The following PTPN20 variants were observed in gnomAD, a reference collection of about 807,000 sequenced individuals.
PTPN20 encodes tyrosine-protein phosphatase non-receptor type 20.
Under a neutral mutation model 35.0 loss-of-function variants are expected in PTPN20, and 9 were observed. The observed-to-expected ratio is 0.26, with a 90% confidence interval of 0.15 to 0.45. The LOEUF (loss-of-function observed/expected upper bound fraction) is 0.45, where lower values mean the gene tolerates loss of function less well. PTPN20 is among the 20% of genes least tolerant of loss of function. The pLI is 1.00. For synonymous variants in PTPN20, 32 were observed against 100.2 expected (o/e 0.32, Z 4.06); for missense variants, 111 against 312.5 (o/e 0.36, Z 4.86).
At chr10:47,003,385 A>G (rs1555186655), downstream of PTPN20, among the ~76,000 whole-genome samples, 1 of 152,136 alleles carries the variant, frequency 6.6e-6, no homozygotes, top group African/African-American at 2.4e-5. Flanking sequence ...GTAAGATTAC[A>G]AAAGTGGAAT....
chr10:46,947,033 A>G (rs1380599662), intron 5 of PTPN20, among the ~76,000 whole-genome samples: 147 of 148,710 alleles, frequency 9.9e-4, no homozygotes, highest in Non-Finnish European at 2.5e-4. Context: ...GTAAAATAAT[A>G]ACATTTTTGG....
chr10:46,992,253 A>G (rs552160711), intron 9 of PTPN20, among the ~76,000 whole-genome samples: 2 of 151,626 alleles, frequency 1.3e-5, no homozygotes, highest in South Asian at 4.2e-4. Context: ...CTCCTGAGTA[A>G]CTGGGACTAC....
chr10:46,936,079 T>G (rs1342229719), intron 2 of PTPN20, among the ~76,000 whole-genome samples: 1 of 152,246 alleles, frequency 6.6e-6, no homozygotes, highest in Non-Finnish European at 1.5e-5. Flanking sequence ...TTTCATATGC[T>G]TCTTGGCTAT....
chr10:46,977,222 C>G (rs2053999688), intron 7 of PTPN20, among the ~76,000 whole-genome samples: 3 of 152,300 alleles, frequency 2.0e-5, no homozygotes, highest in Admixed American at 2.0e-4. Flanking sequence ...GCACTCAAGA[C>G]TACAATGTCA....
chr10:46,938,424 C>T lies in PTPN20; in HGVS notation c.35-2199C>T, dbSNP rs1236995451. ...TATCTCTTCTGTGCACTATCCTCAA[C>T]GCCCCCTGTATTACAGGGTCTCCTC... is the stretch of plus-strand genomic sequence containing the variant. On this transcript the variant is annotated intron_variant, in intron 2 of 10. Transcript: ENST00000374339. 2.7e-4 allele frequency among the ~76,000 whole-genome samples: 11 copies of T among 40,824 alleles called. No homozygotes were observed. The East Asian group carries it at 4.4e-3, about 16-fold the overall frequency. The allele number at this position is 40,824 out of a possible 152,430, so 26.8% of individuals were successfully genotyped here.
intron 5 of PTPN20, among the ~76,000 whole-genome samples, chr10:46,953,333 T>TC (rs2134900481): frequency 7.0e-6 from 1 of 142,610 alleles, no homozygotes; most frequent in Non-Finnish European, 1.5e-5. Context: ...GCCTTTCATT[T>TC]CTTTTCTTTC....
chr10:46,929,109 T>C (rs1365363579), intron 1 of PTPN20, among the ~76,000 whole-genome samples: 2 of 40,772 alleles, frequency 4.9e-5, no homozygotes, highest in Non-Finnish European at 8.3e-5. Flanking sequence ...CTGAAAATAG[T>C]GTCCCAGCTG....
At chr10:46,963,930 C>T (rs1249227324) in intron 5 of PTPN20, among the ~76,000 whole-genome samples, 1 of 46,034 alleles carries the variant, frequency 2.2e-5, no homozygotes, top group Non-Finnish European at 3.4e-5. Flanking sequence ...ATTTTATCTC[C>T]CCTTCCAGCC....
chr10:47,002,666 A>G (rs942239360), downstream of PTPN20, among the ~76,000 whole-genome samples: 53 of 152,036 alleles, frequency 3.5e-4, no homozygotes, highest in African/African-American at 1.2e-3. Flanking sequence ...GTTTTAAAAT[A>G]TTTAAATATA....
At chr10:46,966,765 C>CCAT (rs1211722340) in intron 6 of PTPN20, among the ~76,000 whole-genome samples, 1 of 75,112 alleles carries the variant, frequency 1.3e-5, no homozygotes, top group Non-Finnish European at 2.5e-5. Context: ...GACTCATCTG[C>CCAT]CATCATTATT....
intron 7 of PTPN20, among the ~76,000 whole-genome samples, chr10:46,978,694 GT>G (rs1173019647): frequency 8.5e-6 from 1 of 117,122 alleles, no homozygotes; most frequent in Non-Finnish European, 1.7e-5. Context: ...AGATATTGCA[GT>G]GGAAATTGCT....
chr10:46,948,813 G>A (rs1268787355), intron 5 of PTPN20, among the ~76,000 whole-genome samples: 4 of 148,926 alleles, frequency 2.7e-5, no homozygotes, highest in Non-Finnish European at 6.0e-5. Context: ...GCCTTGGGCA[G>A]GTCCTCTGTC....
intron 5 of PTPN20, among the ~76,000 whole-genome samples, chr10:46,960,114 C>CA (rs1307785678): frequency 0.026 from 1,654 of 64,172 alleles, 14 homozygotes; most frequent in African/African-American, 0.11. Context: ...AGTTGTCACT[C>CA]AATTGTCTTC....
intron 5 of PTPN20, among the ~76,000 whole-genome samples, chr10:46,953,343 C>CTT (rs1172764060): frequency 1.1e-5 from 1 of 92,460 alleles, no homozygotes; most frequent in African/African-American, 6.2e-5. Flanking sequence ...TCTTTTCTTT[C>CTT]TTTCTTTCTT....
At chr10:46,923,544 TG>T (rs1391454832) in intron 1 of PTPN20, among the ~76,000 whole-genome samples, 1 of 150,864 alleles carries the variant, frequency 6.6e-6, no homozygotes, top group Admixed American at 6.6e-5. Context: ...TATATTTATA[TG>T]GATACTGTAT....
rs951337331 is a variant in PTPN20 at position 47,001,031 on chromosome 10, T to A, written c.*290T>A. 453 of 481,712 alleles carry A rather than the reference T, an allele frequency of 9.4e-4. No individual in the cohort carries two copies. The highest frequency in any genetic ancestry group is 2.2e-3 in the Admixed American group (64 of 28,468). The allele number at this position is 481,712 out of a possible 1,614,324, so 29.8% of individuals were successfully genotyped here. A position where few individuals can be genotyped will look rare whatever the true frequency, so the allele number is the denominator to read the frequency against. On this transcript the variant is annotated 3_prime_UTR_variant, in exon 11 of 11. Transcript: ENST00000374339. ...AGCTTGGCTATTTGGTTGAAGGGAT[T>A]ACAGAGCCCAATAAAGGATTTAAAA... is the stretch of plus-strand genomic sequence containing the variant.
chr10:46,919,072 A>G (rs2034133532), intron 1 of PTPN20, among the ~76,000 whole-genome samples: 1 of 145,396 alleles, frequency 6.9e-6, no homozygotes, highest in African/African-American at 2.6e-5. Flanking sequence ...CATTTTTTAA[A>G]GTCTATGTTG....
chr10:46,951,253 A>G (rs1399212345), intron 5 of PTPN20, among the ~76,000 whole-genome samples: 1 of 152,138 alleles, frequency 6.6e-6, no homozygotes, highest in Non-Finnish European at 1.5e-5. Context: ...TTGGTCTCCC[A>G]AAGTGCTGGG....
chr10:46,979,169 GAAA>G (rs1555169091), intron 7 of PTPN20, among the ~76,000 whole-genome samples: 4 of 145,286 alleles, frequency 2.8e-5, no homozygotes, highest in African/African-American at 1.0e-4. Context: ...TTTGGAAAAA[GAAA>G]ATAGTCAGAA....
Sources: allele counts gnomAD v4.1 joint callset (sites outside exome capture counted in the v4.1 genomes callset), GRCh38; gene constraint gnomAD v4.1.1; transcripts MANE v1.5; gene names NCBI Gene and HGNC (gene_info 2026-07-23, HGNC 2026-07-21).